DAB1: variants seen among roughly 807,000 people sequenced by gnomAD.
DAB1 encodes DAB adaptor protein 1, also known as disabled homolog 1.
In DAB1, 15 loss-of-function variants were observed where a neutral mutation model predicts 64.6. The observed-to-expected ratio is 0.23, with a 90% CI of 0.16 to 0.36. The LOEUF (loss-of-function observed/expected upper bound fraction) is 0.36, where lower values mean the gene tolerates loss of function less well. DAB1 is among the 10% of genes least tolerant of loss of function. The pLI, the probability that DAB1 is intolerant of heterozygous loss-of-function variation, is 1.00. For missense variants in DAB1, 596 were observed against 706.7 expected (o/e 0.84, Z 1.78); for synonymous variants, 235 against 251.9 (o/e 0.93, Z 0.64).
intron 3 of DAB1, among the ~76,000 whole-genome samples, chr1:58,504,129 A>G (rs759934699): frequency 9.9e-5 from 15 of 152,206 alleles, no homozygotes; most frequent in Non-Finnish European, 2.1e-4. Context: ...AACATGAGTC[A>G]AATCAAGTCA....
chr1:58,027,564 T>G (rs900194824), intron 5 of DAB1, among the ~76,000 whole-genome samples: 2 of 152,194 alleles, frequency 1.3e-5, no homozygotes, highest in Non-Finnish European at 2.9e-5. Context: ...TATGAAATTC[T>G]CAAAAGTTTG....
At chr1:57,138,449 C>A (rs1658314276) in intron 3 of DAB1, among the ~76,000 whole-genome samples, 1 of 152,116 alleles carries the variant, frequency 6.6e-6, no homozygotes. Context: ...TCTCTCCCTA[C>A]AACCCCTTCC....
intron 6 of DAB1, among the ~76,000 whole-genome samples, chr1:57,757,698 T>C (rs2101812810): frequency 6.6e-6 from 1 of 152,342 alleles, no homozygotes; most frequent in South Asian, 2.1e-4. Context: ...AGACTTCATT[T>C]CCAAATAAGT....
intron 2 of DAB1, among the ~76,000 whole-genome samples, chr1:57,269,281 G>A (rs1670812162): frequency 6.6e-6 from 1 of 152,144 alleles, no homozygotes; most frequent in South Asian, 2.1e-4. Context: ...TTGCCATGCA[G>A]GGATGGAGGG....
intron 4 of DAB1, among the ~76,000 whole-genome samples, chr1:58,195,192 C>T (rs553823775): frequency 7.9e-5 from 12 of 152,072 alleles, no homozygotes; most frequent in African/African-American, 1.2e-4. Context: ...CTTATCTCAC[C>T]GCCTAGCATA....
chr1:57,241,127 A>G (rs1558006594), intron 2 of DAB1, among the ~76,000 whole-genome samples: 1 of 152,328 alleles, frequency 6.6e-6, no homozygotes, highest in East Asian at 1.9e-4. Context: ...TATCTCCAGT[A>G]CTTAGTAAGG....
chr1:58,117,263 C>A (rs1341668502), intron 5 of DAB1, among the ~76,000 whole-genome samples: 5 of 152,116 alleles, frequency 3.3e-5, no homozygotes, highest in African/African-American at 1.2e-4. Flanking sequence ...TTATGCATGC[C>A]CAGTACTTTA....
intron 13 of DAB1, 27 bp from the exon 14 acceptor site, chr1:57,010,817 T>G (rs762474956): frequency 2.7e-6 from 4 of 1,491,110 alleles, no homozygotes; most frequent in Middle Eastern, 3.6e-4. Flanking sequence ...TAATACTTTT[T>G]TTTTTCTCTC....
intron 2 of DAB1, among the ~76,000 whole-genome samples, chr1:57,229,153 C>G (rs1287035166): frequency 6.6e-6 from 1 of 151,588 alleles, no homozygotes; most frequent in African/African-American, 2.4e-5. Flanking sequence ...AGTAGAACTA[C>G]AGAGGGCTTT....
At chr1:57,343,723 G>A (rs917613338) in intron 1 of DAB1, among the ~76,000 whole-genome samples, 2 of 152,206 alleles carry the variant, frequency 1.3e-5, no homozygotes, top group East Asian at 1.9e-4. Flanking sequence ...CGGAGCCCAC[G>A]CCCACCCAGA....
chr1:57,962,337 T>G (rs1645544214), intron 5 of DAB1, among the ~76,000 whole-genome samples: 1 of 152,156 alleles, frequency 6.6e-6, no homozygotes, highest in Non-Finnish European at 1.5e-5. Flanking sequence ...ACTCTTATTT[T>G]TCCATGGGCA....
intron 7 of DAB1, among the ~76,000 whole-genome samples, chr1:57,545,807 T>A (rs1299384267): frequency 1.3e-5 from 2 of 152,192 alleles, no homozygotes; most frequent in Non-Finnish European, 2.9e-5. Flanking sequence ...GACTGTACAC[T>A]CCTGGAAGAC....
At chr1:57,047,128 C>G (rs544980602) in intron 9 of DAB1, among the ~76,000 whole-genome samples, 1 of 152,292 alleles carries the variant, frequency 6.6e-6, no homozygotes, top group South Asian at 2.1e-4. Context: ...TTAGTTATGC[C>G]TCTTCTAGCT....
At chr1:57,990,590 C>A (rs749275408) in intron 5 of DAB1, among the ~76,000 whole-genome samples, 22 of 152,182 alleles carry the variant, frequency 1.4e-4, no homozygotes, top group Non-Finnish European at 2.8e-4. Flanking sequence ...TCTTTCGGAG[C>A]ATGACATGCA....
intron 5 of DAB1, among the ~76,000 whole-genome samples, chr1:58,006,377 A>T (rs1171304381): frequency 2.6e-5 from 4 of 152,196 alleles, no homozygotes; most frequent in African/African-American, 9.6e-5. Flanking sequence ...AATATGCTTG[A>T]CATCTGCCTC....
chr1:57,845,204 T>G (rs1653226845), intron 1 of DAB1, among the ~76,000 whole-genome samples: 1 of 152,172 alleles, frequency 6.6e-6, no homozygotes, highest in South Asian at 2.1e-4. Flanking sequence ...AGGGAGGAAG[T>G]GTCCCTGTGA....
chr1:58,139,347 A>C (rs1485918674), intron 5 of DAB1, among the ~76,000 whole-genome samples: 1 of 152,102 alleles, frequency 6.6e-6, no homozygotes, highest in East Asian at 1.9e-4. Flanking sequence ...GCAATTTATA[A>C]AGGAAAGAGG....
intron 2 of DAB1, among the ~76,000 whole-genome samples, chr1:58,516,311 G>A (rs935946127): frequency 2.0e-5 from 3 of 152,298 alleles, no homozygotes; most frequent in Admixed American, 2.0e-4. Context: ...TGATAGTTTA[G>A]TTGCTTGTGA....
At chr1:57,181,362 AT>A (rs1417285839) in intron 2 of DAB1, among the ~76,000 whole-genome samples, 1 of 152,170 alleles carries the variant, frequency 6.6e-6, no homozygotes, top group Non-Finnish European at 1.5e-5. Context: ...CAAAGGTAAG[AT>A]TCTAGCAGCC....
Sources: gnomAD v4.1 joint callset for allele counts (sites outside exome capture counted in the v4.1 genomes callset) on GRCh38, gnomAD v4.1.1 for gene constraint, MANE v1.5 for transcripts, NCBI Gene and HGNC (gene_info 2026-07-23, HGNC 2026-07-21) for gene names.